GRM8: variants seen among roughly 807,000 people sequenced by gnomAD.
GRM8 encodes the protein glutamate metabotropic receptor 8.
In GRM8, 47 loss-of-function variants were observed where a neutral mutation model predicts 87.2. The ratio of observed to expected loss-of-function variants is 0.54; its 90% confidence interval spans 0.43 to 0.69. The LOEUF (loss-of-function observed/expected upper bound fraction) is 0.69. Among genes scored for constraint, GRM8 ranks in the 30% least tolerant of loss-of-function variants. The pLI, the probability that GRM8 is intolerant of heterozygous loss-of-function variation, is 0.00. For missense variants in GRM8, 1,019 were observed against 1,139.2 expected (o/e 0.89, Z 1.52); for synonymous variants, 396 against 404.5 (o/e 0.98, Z 0.25).
rs1795905576 is a variant in GRM8 at position 126,837,417 on chromosome 7, A to C, written c.1156+65125T>G. 2.0e-5 allele frequency among the ~76,000 whole-genome samples: 3 copies of C among 152,268 alleles called. 1 individual carries two copies. Among genetic ancestry groups the C allele is most frequent in the Non-Finnish European group, 2.9e-5 (2 of 68,046 alleles). On this transcript the variant is annotated intron_variant, in intron 6 of 10. Transcript: ENST00000339582. ...TAGGGTACATGCCACTTTATATGCA[A>C]ATATGCCTTGACAACTGTATGAATA...
Position 126,524,582 on chromosome 7 carries a change from A to G in GRM8, c.2430+8370T>C, listed in dbSNP as rs1355897574. Among the ~76,000 whole-genome samples the G allele has an allele frequency of 4.6e-5, 7 of 151,532 alleles. No homozygotes were observed. The East Asian group carries it at 1.4e-3, about 29-fold the overall frequency. ...AATCTTCCTTCTGTTTTGTTTTTGT[A>G]TTTAGGTTATTTCCATTCTTTGTCT... is the stretch of plus-strand genomic sequence containing the variant. On this transcript the variant is annotated intron_variant, in intron 9 of 10. Transcript: ENST00000339582.
At chr7:127,170,121 T>C (rs980449682) in intron 2 of GRM8, among the ~76,000 whole-genome samples, 6 of 152,172 alleles carry the variant, frequency 3.9e-5, no homozygotes, top group African/African-American at 1.4e-4. Flanking sequence ...GCAAAATATG[T>C]AGAAAACCTT....
Position 127,234,283 on chromosome 7 carries a change from C to T in GRM8, c.510+8412G>A, listed in dbSNP as rs944705938. On this transcript the variant is annotated intron_variant, in intron 2 of 10. Transcript: ENST00000339582. The stretch of plus-strand genomic sequence containing the variant: ...AAGTTTCTTAAATCAGTCTGCTCTA[C>T]TGTCTCAGGTAGTAAAAATGTGTAA... Among the ~76,000 whole-genome samples the T allele has an allele frequency of 3.3e-5, 5 of 152,218 alleles. No individual in the cohort carries two copies. The East Asian group carries it at 5.8e-4, about 18-fold the overall frequency.
At chr7:126,697,165 TAA>T (rs35078727) in intron 7 of GRM8, among the ~76,000 whole-genome samples, 93,546 of 138,488 alleles carry the variant, frequency 0.68, 32,003 homozygotes, top group African/African-American at 0.84. Context: ...TGTGTGGAAT[TAA>T]AAAAAAAAAA....
chr7:126,726,681 GAA>G (rs1355943736), intron 7 of GRM8, among the ~76,000 whole-genome samples: 2 of 152,150 alleles, frequency 1.3e-5, no homozygotes, highest in Non-Finnish European at 2.9e-5. Context: ...AGAGGAATTG[GAA>G]AGTATCTGCC....
intron 2 of GRM8, among the ~76,000 whole-genome samples, chr7:127,200,323 A>G (rs1223471855): frequency 6.6e-6 from 1 of 152,202 alleles, no homozygotes; most frequent in Non-Finnish European, 1.5e-5. Context: ...GAACTCTTAC[A>G]TGTAGATAAT....
intron 3 of GRM8, among the ~76,000 whole-genome samples, chr7:126,936,146 A>T (rs1806292682): frequency 6.6e-6 from 1 of 152,216 alleles, no homozygotes; most frequent in South Asian, 2.1e-4. Flanking sequence ...CGTTTCCATG[A>T]TTAAAGTATA....
chr7:127,172,755 T>C (rs147420489), intron 2 of GRM8, among the ~76,000 whole-genome samples: 33 of 152,144 alleles, frequency 2.2e-4, no homozygotes, highest in African/African-American at 6.0e-4. Context: ...ATGGCCATTA[T>C]TATGCATATT....
At chr7:126,941,336 G>A (rs530257263) in intron 3 of GRM8, among the ~76,000 whole-genome samples, 225 of 152,018 alleles carry the variant, frequency 1.5e-3, no homozygotes, top group Non-Finnish European at 2.6e-3. Context: ...GGCCTTGCGC[G>A]GTGACTCACG....
intron 9 of GRM8, among the ~76,000 whole-genome samples, chr7:126,477,344 T>C (rs548509970): frequency 6.6e-6 from 1 of 152,140 alleles, no homozygotes; most frequent in Admixed American, 6.6e-5. Context: ...TTTTGTATAC[T>C]AAAAATTTGT....
intron 6 of GRM8, among the ~76,000 whole-genome samples, chr7:126,901,461 T>C (rs984057959): frequency 9.2e-5 from 14 of 152,370 alleles, no homozygotes; most frequent in African/African-American, 2.9e-4. Context: ...GCATGAATAT[T>C]GCCTTTCTTC....
intron 9 of GRM8, among the ~76,000 whole-genome samples, chr7:126,504,732 G>A (rs1810180637): frequency 1.3e-5 from 2 of 151,908 alleles, no homozygotes; most frequent in Non-Finnish European, 2.9e-5. Context: ...ACATATGCTG[G>A]TGATAAAAAT....
chr7:126,870,059 G>A (rs1798959141), intron 6 of GRM8: 1 of 151,266 alleles, frequency 6.6e-6, no homozygotes, highest in African/African-American at 2.4e-5. Flanking sequence ...ACTTGCTGAA[G>A]TTTGTACATC....
At chr7:127,188,247 A>C (rs2299548) in intron 2 of GRM8, among the ~76,000 whole-genome samples, 28,598 of 152,208 alleles carry the variant, frequency 0.19, 3,053 homozygotes, top group Non-Finnish European at 0.24. Context: ...TACATGGCCC[A>C]AGTCATATAA....
At chr7:126,933,221 G>A (rs1400536229) in intron 3 of GRM8, among the ~76,000 whole-genome samples, 2 of 152,176 alleles carry the variant, frequency 1.3e-5, no homozygotes, top group Non-Finnish European at 2.9e-5. Flanking sequence ...CTCTCCTCCA[G>A]AAAATATTTT....
intron 9 of GRM8, among the ~76,000 whole-genome samples, chr7:126,448,896 G>A (rs1365563333): frequency 1.3e-5 from 2 of 151,816 alleles, no homozygotes; most frequent in Admixed American, 6.6e-5. Context: ...AGGGTGGAGG[G>A]TGGGAGGAAG....
At chr7:126,824,865 T>C (rs150784156) in intron 6 of GRM8, among the ~76,000 whole-genome samples, 211 of 152,310 alleles carry the variant, frequency 1.4e-3, no homozygotes, top group African/African-American at 4.9e-3. Flanking sequence ...CCCTAACTCA[T>C]ATGTGGTAAA....
At position 126,631,790 on chromosome 7, in the gene GRM8, C is replaced by G. The variant is rs193268817; in HGVS notation, c.1358-22292G>C. Among the ~76,000 whole-genome samples, 7 of 152,246 alleles carry G rather than the reference C, an allele frequency of 4.6e-5. No individual in the cohort carries two copies. The East Asian group carries it at 1.4e-3, about 29-fold the overall frequency. ...AAAACAAGCAATGGCAGAAGGACTC[C>G]CGATTTAATAAATGGTGCTGGGAGA... On this transcript the variant is annotated intron_variant, in intron 7 of 10. Coordinates refer to ENST00000339582, the MANE Select transcript of GRM8 (RefSeq NM_000845.3).
At chr7:126,643,094 C>T (rs1325569918) in intron 7 of GRM8, among the ~76,000 whole-genome samples, 1 of 151,002 alleles carries the variant, frequency 6.6e-6, no homozygotes. Flanking sequence ...AATTTGAGAC[C>T]AGCCTGGGCA....
Sources: allele counts gnomAD v4.1 joint callset (sites outside exome capture counted in the v4.1 genomes callset), GRCh38; gene constraint gnomAD v4.1.1; transcripts MANE v1.5; gene names NCBI Gene and HGNC (gene_info 2026-07-23, HGNC 2026-07-21).